Variants in LRRTM4 observed in about 807,000 individuals in gnomAD.
LRRTM4 encodes leucine-rich repeat transmembrane neuronal protein 4.
LRRTM4 carries 25 observed loss-of-function variants against 47.6 expected under a neutral mutation model. The observed-to-expected ratio is 0.53, with a 90% CI of 0.38 to 0.73. The LOEUF (loss-of-function observed/expected upper bound fraction) is 0.73, where lower values mean the gene tolerates loss of function less well. Ranked by LOEUF, LRRTM4 falls within the 30% of genes least tolerant of loss-of-function variation. LRRTM4 has a pLI of 0.00. For missense variants in LRRTM4, 638 were observed against 713.4 expected, an observed-to-expected ratio of 0.89 and a Z score of 1.20; for synonymous variants, 311 against 269.5, an observed-to-expected ratio of 1.15 and a Z score of -1.51.
Position 76,764,754 on chromosome 2 carries a change from G to A in LRRTM4, c.1552-15838C>T, listed in dbSNP as rs552527904. Among the ~76,000 whole-genome samples the A allele has an allele frequency of 3.9e-3, 588 of 152,330 alleles. 9 individuals are homozygous for A. In the South Asian group the frequency reaches 0.047, roughly 12 times the overall value. ...TGCTGAACTTCTTGGATCCCACCAG[G>A]AGAGGACTATAGAGCTATCCAGCTG... On this transcript the variant is annotated intron_variant, in intron 3 of 3. Coordinates refer to ENST00000409884, the MANE Select transcript of LRRTM4 (RefSeq NM_001134745.3).
At chr2:77,042,117 T>C (rs1679055004) in intron 3 of LRRTM4, among the ~76,000 whole-genome samples, 1 of 151,536 alleles carries the variant, frequency 6.6e-6, no homozygotes, top group African/African-American at 2.4e-5. Flanking sequence ...GAATAAGGCC[T>C]ATGGTTTTAG....
chr2:76,903,466 G>A (rs1673714213), intron 3 of LRRTM4, among the ~76,000 whole-genome samples: 1 of 152,130 alleles, frequency 6.6e-6, no homozygotes, highest in Non-Finnish European at 1.5e-5. Flanking sequence ...AACTTGGGAG[G>A]CTGAGTGTGT....
intron 3 of LRRTM4, among the ~76,000 whole-genome samples, chr2:76,817,006 T>C (rs1670922713): frequency 6.6e-6 from 1 of 151,796 alleles, no homozygotes; most frequent in African/African-American, 2.4e-5. Context: ...GGTGTTCAGG[T>C]TAAGCCAGAT....
intron 3 of LRRTM4, among the ~76,000 whole-genome samples, chr2:77,344,060 G>A (rs529652199): frequency 6.6e-6 from 1 of 151,734 alleles, no homozygotes; most frequent in Non-Finnish European, 1.5e-5. Flanking sequence ...GTGAAATTCT[G>A]GCCTCTGATT....
intron 3 of LRRTM4, among the ~76,000 whole-genome samples, chr2:77,384,566 C>T (rs1174747213): frequency 1.3e-5 from 2 of 151,678 alleles, no homozygotes; most frequent in Non-Finnish European, 2.9e-5. Context: ...ATACTAAGAT[C>T]CTCATGACCA....
chr2:77,045,988 C>CT (rs1179613155), intron 3 of LRRTM4, among the ~76,000 whole-genome samples: 1 of 151,872 alleles, frequency 6.6e-6, no homozygotes, highest in East Asian at 1.9e-4. Context: ...AATTTCCTTC[C>CT]TTTTTCTTTT....
chr2:77,291,224 C>G (rs924280600), intron 3 of LRRTM4, among the ~76,000 whole-genome samples: 1 of 151,726 alleles, frequency 6.6e-6, no homozygotes, highest in African/African-American at 2.4e-5. Flanking sequence ...TGGTATGCAT[C>G]TTGGGGGTTA....
At chr2:77,061,649 G>T (rs770880989) in intron 3 of LRRTM4, among the ~76,000 whole-genome samples, 1 of 152,040 alleles carries the variant, frequency 6.6e-6, no homozygotes, top group East Asian at 1.9e-4. Flanking sequence ...AAAATATCAT[G>T]TTCATATATA....
chr2:77,270,840 T>G (rs1429170762), intron 3 of LRRTM4, among the ~76,000 whole-genome samples: 1 of 152,216 alleles, frequency 6.6e-6, no homozygotes, highest in Admixed American at 6.5e-5. Context: ...TTCACCTATT[T>G]CATGTGTAAC....
intron 3 of LRRTM4, among the ~76,000 whole-genome samples, chr2:77,137,785 C>T (rs1485658009): frequency 1.3e-5 from 2 of 151,938 alleles, no homozygotes; most frequent in African/African-American, 4.8e-5. Flanking sequence ...GGAAGATCTA[C>T]CAAGCAAATT....
In LRRTM4 at chr2:77,521,659, T is replaced by C; in HGVS notation, c.4+9A>G. Reference sequence around the variant, plus strand: ...TTTGCTCAGAAGGAAACAACAAAAGTTCACTTACCCATCCTTTGTCATCCA... The same window carrying C: ...TTTGCTCAGAAGGAAACAACAAAAGCTCACTTACCCATCCTTTGTCATCCA... On this transcript the variant is annotated intron_variant, in intron 2 of 3. Coordinates refer to ENST00000409884, the MANE Select transcript of LRRTM4 (RefSeq NM_001134745.3). 2 of 1,611,874 alleles carry C rather than the reference T, an allele frequency of 1.2e-6. No individual in the cohort carries two copies. Among genetic ancestry groups the C allele is most frequent in the Non-Finnish European group, 1.7e-6 (2 of 1,179,000 alleles).
intron 3 of LRRTM4, among the ~76,000 whole-genome samples, chr2:77,457,325 G>T (rs79464568): frequency 0.025 from 3,724 of 151,500 alleles, 127 homozygotes; most frequent in East Asian, 0.15. Context: ...ATTCTTGATT[G>T]CTTTCTTTCC....
At chr2:77,278,028 T>C (rs545191983) in intron 3 of LRRTM4, among the ~76,000 whole-genome samples, 2 of 151,980 alleles carry the variant, frequency 1.3e-5, no homozygotes, top group Non-Finnish European at 2.9e-5. Flanking sequence ...TGCTGCAAAG[T>C]CACACTGAAG....
rs1296438374 is a variant in LRRTM4, at chr2:77,518,869, C to T, written c.1000G>A (p.Glu334Lys). 1 of 1,605,390 alleles carries T rather than the reference C, an allele frequency of 6.2e-7. No homozygotes were observed. The highest frequency in any genetic ancestry group is 8.5e-7 in the Non-Finnish European group (1 of 1,175,318). ...YWLKNFKGNK[E>K]STMICAGPKH... ...GGTCCCGCACATATCATGGTGCTTT[C>T]CTTATTTCCTTTGAAATTCTTAAGC... is the stretch of plus-strand genomic sequence containing the variant. The change falls in exon 3 of 4, where the codon GAA becomes AAA. Residue 334 changes from glutamate to lysine, a missense_variant. Coordinates refer to ENST00000409884, the MANE Select transcript of LRRTM4 (RefSeq NM_001134745.3).
intron 3 of LRRTM4, among the ~76,000 whole-genome samples, chr2:76,920,450 T>G (rs1264893905): frequency 6.6e-6 from 1 of 152,172 alleles, no homozygotes. Flanking sequence ...TCCTATAGAA[T>G]TCTGAAGGTT....
At chr2:77,050,386 GTTTGT>G (rs1470178350) in intron 3 of LRRTM4, among the ~76,000 whole-genome samples, 3 of 152,178 alleles carry the variant, frequency 2.0e-5, no homozygotes, top group Non-Finnish European at 4.4e-5. Flanking sequence ...AGGGGGTTTT[GTTTGT>G]TTTAATTTAG....
At chr2:77,153,397 T>C (rs962990024) in intron 3 of LRRTM4, among the ~76,000 whole-genome samples, 2 of 152,232 alleles carry the variant, frequency 1.3e-5, no homozygotes, top group Non-Finnish European at 2.9e-5. Context: ...CTGAGTATTT[T>C]GCAAAGCTCC....
intron 3 of LRRTM4, among the ~76,000 whole-genome samples, chr2:76,939,690 A>T (rs1675071278): frequency 6.6e-6 from 1 of 152,158 alleles, no homozygotes; most frequent in South Asian, 2.1e-4. Context: ...AAATTAGCAG[A>T]ATATTGTCCA....
At chr2:76,812,940 G>T (rs767668929) in intron 3 of LRRTM4, among the ~76,000 whole-genome samples, 6 of 151,756 alleles carry the variant, frequency 4.0e-5, no homozygotes, top group Non-Finnish European at 7.4e-5. Flanking sequence ...TTGTGAGAAC[G>T]TTTGCCCATT....
Sources: allele counts gnomAD v4.1 joint callset (sites outside exome capture counted in the v4.1 genomes callset), GRCh38; gene constraint gnomAD v4.1.1; transcripts MANE v1.5; gene names NCBI Gene and HGNC (gene_info 2026-07-23, HGNC 2026-07-21).